The following NCKAP5 variants were observed in gnomAD, a reference collection of about 807,000 sequenced individuals.
NCKAP5 encodes the protein nck-associated protein 5.
Under a neutral mutation model 167.0 loss-of-function variants are expected in NCKAP5, and 92 were observed. The ratio of observed to expected loss-of-function variants is 0.55; its 90% CI spans 0.47 to 0.66. The LOEUF (loss-of-function observed/expected upper bound fraction) is 0.66, where lower values mean the gene tolerates loss of function less well. Ranked by LOEUF, NCKAP5 falls within the 30% of genes least tolerant of loss-of-function variation. The pLI, the probability that NCKAP5 is intolerant of heterozygous loss-of-function variation, is 0.00. For synonymous variants in NCKAP5, 891 were observed against 877.4 expected, an observed-to-expected ratio of 1.02 and a Z score of -0.27; for missense variants, 2,378 against 2,315.0, an observed-to-expected ratio of 1.03 and a Z score of -0.56.
intron 19 of NCKAP5, among the ~76,000 whole-genome samples, chr2:132,701,290 G>T (rs1309506862): frequency 2.0e-5 from 3 of 152,106 alleles, no homozygotes; most frequent in Admixed American, 6.6e-5. Context: ...CGGGATAAGA[G>T]AGCAGGGTGC....
chr2:133,665,289 G>A, the NCKAP5 span, among the ~76,000 whole-genome samples: 3 of 152,162 alleles, frequency 2.0e-5, no homozygotes, highest in East Asian at 5.8e-4. Context: ...ATCATTTCTA[G>A]CTTTTAATGT....
chr2:132,783,838 C>T lies in NCKAP5; in HGVS notation c.2973G>A (p.Val991=), dbSNP rs947282758. Residue 991 remains valine (V), a synonymous_variant, in exon 14 of 20, where the codon GTG becomes GTA. Transcript: ENST00000409261. ...AGGCCACAGAAGGTTTCTTCCTCTG[C>T]ACTTCTGTCGTGGCCGGATTAGAAG... ...VISSNPATTE[V]QRKKPSVAFK... 1.3e-6 allele frequency: 2 copies of T among 1,532,172 alleles called. No individual in the cohort carries two copies. Among genetic ancestry groups the T allele is most frequent in the Non-Finnish European group, 8.8e-7 (1 of 1,141,524 alleles). The allele number at this position is 1,532,172 out of a possible 1,614,324, so 94.9% of individuals were successfully genotyped here.
At chr2:133,514,959 T>A (rs763333462) in intron 3 of NCKAP5, among the ~76,000 whole-genome samples, 5 of 152,096 alleles carry the variant, frequency 3.3e-5, no homozygotes, top group Non-Finnish European at 7.4e-5. Flanking sequence ...GCATTGGGAA[T>A]GAAAACTGTA....
intron 3 of NCKAP5, among the ~76,000 whole-genome samples, chr2:133,478,454 T>G (rs1414166575): frequency 6.6e-6 from 1 of 152,144 alleles, no homozygotes; most frequent in Non-Finnish European, 1.5e-5. Context: ...TCTTGAACCT[T>G]CCTAGAAATC....
In NCKAP5 at chr2:133,494,908, A is replaced by G. The variant is rs188691256; in HGVS notation, c.69+22550T>C. On this transcript the variant is annotated intron_variant, in intron 3 of 19. Transcript: ENST00000409261. ...TTCCAGGTCTTTTCCCTGATCCAAGAGAGAACTGACTAAGAGTCTGGCATC... is the reference window on the plus strand; with the variant it reads ...TTCCAGGTCTTTTCCCTGATCCAAGGGAGAACTGACTAAGAGTCTGGCATC... Among the ~76,000 whole-genome samples the G allele has an allele frequency of 2.7e-4, 41 of 152,248 alleles. 1 individual carries two copies. The highest frequency in any genetic ancestry group is 9.4e-4 in the African/African-American group (39 of 41,550).
intron 3 of NCKAP5, among the ~76,000 whole-genome samples, chr2:133,415,548 T>C (rs115627007): frequency 0.014 from 2,175 of 152,264 alleles, 50 homozygotes; most frequent in African/African-American, 0.049. Context: ...CCATACTCCC[T>C]TAGATAATAC....
the NCKAP5 span, among the ~76,000 whole-genome samples, chr2:133,670,955 C>T: frequency 1.3e-5 from 2 of 152,104 alleles, no homozygotes; most frequent in African/African-American, 2.4e-5. Flanking sequence ...GTGGCTCACG[C>T]CTGTAATCCC....
intron 3 of NCKAP5, among the ~76,000 whole-genome samples, chr2:133,341,077 T>G (rs912884310): frequency 4.6e-5 from 7 of 152,202 alleles, no homozygotes; most frequent in African/African-American, 1.7e-4. Context: ...ATTAATTCTA[T>G]TTACCTGTGA....
intron 8 of NCKAP5, among the ~76,000 whole-genome samples, chr2:132,950,782 C>T (rs1420603632): frequency 6.6e-6 from 1 of 152,158 alleles, no homozygotes; most frequent in Non-Finnish European, 1.5e-5. Context: ...CAAGCTACTA[C>T]ACTGTATGGG....
At chr2:133,150,053 C>T (rs2083332410) in intron 5 of NCKAP5, among the ~76,000 whole-genome samples, 1 of 152,138 alleles carries the variant, frequency 6.6e-6, no homozygotes. Flanking sequence ...ACAGAAACAA[C>T]AGGATTTCTT....
chr2:132,735,598 C>G (rs1449559347), intron 16 of NCKAP5, among the ~76,000 whole-genome samples: 1 of 152,160 alleles, frequency 6.6e-6, no homozygotes, highest in East Asian at 1.9e-4. Context: ...GTAACAATGG[C>G]CTAATACACC....
At chr2:133,645,880 G>T in the NCKAP5 span, among the ~76,000 whole-genome samples, 1 of 151,294 alleles carries the variant, frequency 6.6e-6, no homozygotes, top group Non-Finnish European at 1.5e-5. Context: ...AATAAGAAAA[G>T]AATGAATACA....
chr2:132,749,456 G>T (rs1034614597), intron 16 of NCKAP5, among the ~76,000 whole-genome samples: 10 of 152,092 alleles, frequency 6.6e-5, no homozygotes, highest in Non-Finnish European at 4.4e-5. Flanking sequence ...CACCCGCCTT[G>T]GCCTCCCAAA....
intron 6 of NCKAP5, among the ~76,000 whole-genome samples, chr2:133,088,726 C>T (rs181945874): frequency 1.3e-5 from 2 of 152,020 alleles, no homozygotes; most frequent in East Asian, 3.9e-4. Context: ...AATATGCTGC[C>T]CTAACTGTAA....
chr2:132,715,985 C>T (rs1689337229), intron 19 of NCKAP5, among the ~76,000 whole-genome samples: 1 of 152,186 alleles, frequency 6.6e-6, no homozygotes, highest in Admixed American at 6.5e-5. Flanking sequence ...TACCCATTAT[C>T]TCCCTGTGGT....
chr2:133,130,417 CA>C (rs1302896633), intron 5 of NCKAP5, among the ~76,000 whole-genome samples: 4 of 152,008 alleles, frequency 2.6e-5, no homozygotes, highest in African/African-American at 9.7e-5. Flanking sequence ...AACTATGACC[CA>C]AAAATACTAT....
intron 7 of NCKAP5, among the ~76,000 whole-genome samples, chr2:132,977,208 G>A (rs2077002847): frequency 6.6e-6 from 1 of 152,126 alleles, no homozygotes; most frequent in Admixed American, 6.6e-5. Flanking sequence ...GTCCAATGCT[G>A]GTGAATATGC....
At chr2:133,635,354 T>C in the NCKAP5 span, among the ~76,000 whole-genome samples, 1 of 152,202 alleles carries the variant, frequency 6.6e-6, no homozygotes, top group Non-Finnish European at 1.5e-5. Flanking sequence ...CAAATATCTG[T>C]TCTTATTCTA....
At chr2:133,121,049 C>T (rs1023645976) in intron 6 of NCKAP5, among the ~76,000 whole-genome samples, 6 of 151,942 alleles carry the variant, frequency 3.9e-5, no homozygotes, top group African/African-American at 9.7e-5. Flanking sequence ...GGATAGGCAG[C>T]GACCTTTAAC....
Sources: allele counts gnomAD v4.1 joint callset (sites outside exome capture counted in the v4.1 genomes callset), GRCh38; gene constraint gnomAD v4.1.1; transcripts MANE v1.5; gene names NCBI Gene and HGNC (gene_info 2026-07-23, HGNC 2026-07-21).